The following CCDC148 variants were observed in gnomAD, a reference collection of about 807,000 sequenced individuals.
The protein encoded by CCDC148 is coiled-coil domain containing 148.
In CCDC148, 89 loss-of-function variants were observed where a neutral mutation model predicts 85.7. The observed-to-expected ratio is 1.04, with a 90% CI of 0.87 to 1.24. The LOEUF is 1.24. CCDC148 is among the 50% of genes most tolerant of loss of function. CCDC148 has a pLI of 0.00. For missense variants in CCDC148, 692 were observed against 671.7 expected (o/e 1.03, Z -0.33); for synonymous variants, 230 against 213.9 (o/e 1.08, Z -0.66).
chr2:158,374,105 C>A (rs1258460867), intron 1 of CCDC148, among the ~76,000 whole-genome samples: 1 of 151,962 alleles, frequency 6.6e-6, no homozygotes, highest in East Asian at 1.9e-4. Flanking sequence ...TATGAGATGA[C>A]AACTATTATC....
chr2:158,279,306 A>C (rs1690136727), intron 9 of CCDC148, among the ~76,000 whole-genome samples: 1 of 152,234 alleles, frequency 6.6e-6, no homozygotes, highest in Non-Finnish European at 1.5e-5. Flanking sequence ...TGAGAGAAGA[A>C]GGCTTCAGAC....
intron 1 of CCDC148, among the ~76,000 whole-genome samples, chr2:158,362,227 G>C (rs1683983349): frequency 6.6e-6 from 1 of 151,802 alleles, no homozygotes; most frequent in South Asian, 2.1e-4. Context: ...AATAATAATG[G>C]GAGACTTTAA....
At chr2:158,413,611 T>TTC (rs1406024892) in intron 1 of CCDC148, among the ~76,000 whole-genome samples, 1 of 151,882 alleles carries the variant, frequency 6.6e-6, no homozygotes, top group African/African-American at 2.4e-5. Context: ...GCCTTTTTTT[T>TTC]TTCTTTTGAG....
chr2:158,282,916 T>G (rs6437164), intron 9 of CCDC148, among the ~76,000 whole-genome samples: 137,899 of 152,216 alleles, frequency 0.91, 62,596 homozygotes, highest in East Asian at 0.98. Flanking sequence ...GCATGGTACT[T>G]GTACCAAAAC....
chr2:158,229,234 A>G (rs1415381564), intron 10 of CCDC148, among the ~76,000 whole-genome samples: 1 of 152,206 alleles, frequency 6.6e-6, no homozygotes, highest in Non-Finnish European at 1.5e-5. Context: ...CTCTGTGACC[A>G]GAACCTGCCC....
intron 1 of CCDC148, among the ~76,000 whole-genome samples, chr2:158,434,423 G>T (rs1687535467): frequency 6.6e-6 from 1 of 152,124 alleles, no homozygotes; most frequent in Non-Finnish European, 1.5e-5. Flanking sequence ...CTGTTAGAAA[G>T]GAAAACTAAC....
intron 1 of CCDC148, chr2:158,424,718 A>AT (rs923835431): frequency 2.5e-5 from 2 of 79,820 alleles, no homozygotes; most frequent in African/African-American, 8.9e-5. Flanking sequence ...AAGTATAATA[A>AT]TAAAAAAAAG....
At chr2:158,448,287 A>G (rs906451372) in intron 1 of CCDC148, among the ~76,000 whole-genome samples, 4 of 152,042 alleles carry the variant, frequency 2.6e-5, no homozygotes, top group Admixed American at 2.0e-4. Context: ...TGAAATTAGT[A>G]TTGTAATAAC....
intron 2 of CCDC148, among the ~76,000 whole-genome samples, chr2:158,351,467 G>GGGTGACAAAC (rs4028064): frequency 1.0e-4 from 15 of 150,364 alleles, no homozygotes; most frequent in South Asian, 2.1e-4. Flanking sequence ...TCAAAGAAAG[G>GGGTGACAAAC]GGCACCTGGA....
At chr2:158,417,078 A>C (rs1028373505) in intron 1 of CCDC148, among the ~76,000 whole-genome samples, 1 of 152,226 alleles carries the variant, frequency 6.6e-6, no homozygotes, top group Non-Finnish European at 1.5e-5. Context: ...ACTCAATATC[A>C]TAAGAACAGC....
chr2:158,258,862 T>A (rs979228223), intron 9 of CCDC148, among the ~76,000 whole-genome samples: 1 of 151,794 alleles, frequency 6.6e-6, no homozygotes, highest in Non-Finnish European at 1.5e-5. Context: ...CACTCCCACC[T>A]CCCTGCCTAA....
At chr2:158,431,196 G>GA (rs1559140250) in intron 1 of CCDC148, among the ~76,000 whole-genome samples, 1 of 151,028 alleles carries the variant, frequency 6.6e-6, no homozygotes, top group Non-Finnish European at 1.5e-5. Flanking sequence ...TTTCAAATCT[G>GA]AAAAAAAAGA....
chr2:158,238,185 T>C (rs1423588948), intron 10 of CCDC148, among the ~76,000 whole-genome samples: 2 of 151,918 alleles, frequency 1.3e-5, no homozygotes, highest in Non-Finnish European at 2.9e-5. Context: ...GTCATAATGG[T>C]GTATTTTTAG....
intron 1 of CCDC148, chr2:158,425,292 C>T (rs1687023934): frequency 3.7e-6 from 2 of 536,500 alleles, no homozygotes. Context: ...CCAAAACAAT[C>T]ACCAGCCATA....
At chr2:158,316,767 G>T (rs1360831509) in intron 7 of CCDC148, among the ~76,000 whole-genome samples, 1 of 152,118 alleles carries the variant, frequency 6.6e-6, no homozygotes, top group Admixed American at 6.5e-5. Context: ...ATCTCCCTCA[G>T]CTACATACAT....
At chr2:158,390,946 C>T (rs74357827) in intron 1 of CCDC148, among the ~76,000 whole-genome samples, 8,299 of 152,220 alleles carry the variant, frequency 0.055, 429 homozygotes, top group African/African-American at 0.13. Context: ...GACTGAAAAC[C>T]ACTGCCCTAT....
chr2:158,435,441 A>G (rs1485681160), intron 1 of CCDC148, among the ~76,000 whole-genome samples: 1 of 152,228 alleles, frequency 6.6e-6, no homozygotes, highest in Non-Finnish European at 1.5e-5. Context: ...AGATTTTGCC[A>G]CCACCAGTCC....
chr2:158,300,378 C>G (rs1033530736), intron 9 of CCDC148, among the ~76,000 whole-genome samples: 1 of 152,102 alleles, frequency 6.6e-6, no homozygotes, highest in African/African-American at 2.4e-5. Flanking sequence ...GATGGTGTTC[C>G]TGTTTGCACT....
At chr2:158,210,246 C>G (rs1335329307) in intron 11 of CCDC148, among the ~76,000 whole-genome samples, 1 of 152,082 alleles carries the variant, frequency 6.6e-6, no homozygotes, top group African/African-American at 2.4e-5. Context: ...AGTATCCAAG[C>G]AACAAGAAGA....
Sources: gnomAD v4.1 joint callset for allele counts (sites outside exome capture counted in the v4.1 genomes callset) on GRCh38, gnomAD v4.1.1 for gene constraint, MANE v1.5 for transcripts, NCBI Gene and HGNC (gene_info 2026-07-23, HGNC 2026-07-21) for gene names.